The following TRPC6 variants were observed in gnomAD, a reference collection of about 807,000 sequenced individuals.
TRPC6 encodes transient receptor potential cation channel subfamily C member 6, also known as short transient receptor potential channel 6.
In TRPC6, 55 loss-of-function variants were observed where a neutral mutation model predicts 90.7. The observed-to-expected ratio is 0.61, with a 90% CI of 0.49 to 0.76. TRPC6 has a LOEUF of 0.76. Among genes scored for constraint, TRPC6 ranks in the 30% least tolerant of loss-of-function variants. The pLI, the probability that TRPC6 is intolerant of heterozygous loss-of-function variation, is 0.00. For missense variants in TRPC6, 989 were observed against 1,122.7 expected (o/e 0.88, Z 1.70); for synonymous variants, 393 against 393.0 (o/e 1.00, Z 0.00).
At chr11:101,516,816 C>T (rs1860534131) in intron 1 of TRPC6, among the ~76,000 whole-genome samples, 1 of 152,230 alleles carries the variant, frequency 6.6e-6, no homozygotes, top group South Asian at 2.1e-4. Flanking sequence ...GGGCATCTGG[C>T]CATGCATCTG....
chr11:101,575,545 T>G (rs1862052571), intron 1 of TRPC6, among the ~76,000 whole-genome samples: 1 of 152,072 alleles, frequency 6.6e-6, no homozygotes, highest in Non-Finnish European at 1.5e-5. Context: ...GTGATACGGA[T>G]TAAATGAGTT....
chr11:101,504,087 G>A lies in TRPC6; in HGVS notation c.882C>T (p.Val294=), dbSNP rs1169896686. 1 of 1,614,048 alleles carries A rather than the reference G, an allele frequency of 6.2e-7. No homozygotes were observed. The highest frequency in any genetic ancestry group is 1.1e-5 in the South Asian group (1 of 91,060). ...AYLSLSSEDP[V]MTALELSNEL... ...CATTGCTAAGTTCTAAAGCCGTCAT[G>A]ACTGGATCTTCACTAGACAATGACA... Residue 294 remains valine, a synonymous_variant, in exon 2 of 13, where the codon GTC becomes GTT. Transcript: ENST00000344327.
intron 10 of TRPC6, among the ~76,000 whole-genome samples, chr11:101,460,051 G>C (rs576458957): frequency 1.3e-4 from 20 of 152,268 alleles, no homozygotes; most frequent in African/African-American, 4.3e-4. Context: ...TCAATCTTCT[G>C]AGTACTTAGT....
In TRPC6 at chr11:101,520,087, C is replaced by T. The variant is rs142995853; in HGVS notation, c.171-15289G>A. On this transcript the variant is annotated intron_variant, in intron 1 of 12. Coordinates refer to ENST00000344327, the MANE Select transcript of TRPC6 (RefSeq NM_004621.6). ...ACTGATATGGTTTGGATTTGTGTCC[C>T]TGCCCAAATCTCATGTTGAATTGTA... is the stretch of plus-strand genomic sequence containing the variant. Among the ~76,000 whole-genome samples, 77 of 152,136 alleles carry T rather than the reference C, an allele frequency of 5.1e-4. No individual in the cohort carries two copies. In the East Asian group the frequency reaches 0.013, roughly 25 times the overall value.
chr11:101,487,267 C>T (rs12787386), intron 4 of TRPC6, among the ~76,000 whole-genome samples: 52,863 of 151,826 alleles, frequency 0.35, 10,546 homozygotes, highest in African/African-American at 0.55. Flanking sequence ...CAAAAACTCC[C>T]CCCATTTTAA....
chr11:101,560,354 C>T (rs925805482), intron 1 of TRPC6, among the ~76,000 whole-genome samples: 4 of 151,864 alleles, frequency 2.6e-5, no homozygotes, highest in African/African-American at 9.7e-5. Context: ...CAGGCAACAA[C>T]TGGTCAGGGT....
At chr11:101,520,616 G>T (rs1860636975) in intron 1 of TRPC6, among the ~76,000 whole-genome samples, 1 of 152,174 alleles carries the variant, frequency 6.6e-6, no homozygotes, top group South Asian at 2.1e-4. Flanking sequence ...CTCAGAAGAA[G>T]ACACGAAGAT....
At chr11:101,477,658 T>TTGA (rs1425304556) in intron 5 of TRPC6, among the ~76,000 whole-genome samples, 2 of 152,182 alleles carry the variant, frequency 1.3e-5, no homozygotes, top group Non-Finnish European at 2.9e-5. Flanking sequence ...TATGAAGTCT[T>TTGA]TGATAAGGTA....
intron 9 of TRPC6, among the ~76,000 whole-genome samples, chr11:101,469,951 C>G (rs1376109096): frequency 6.6e-6 from 1 of 152,158 alleles, no homozygotes; most frequent in African/African-American, 2.4e-5. Flanking sequence ...GTTGAGGAAA[C>G]TAGAACTCAG....
At position 101,491,646 on chromosome 11, in the gene TRPC6, C is replaced by G. The variant is rs768940418; in HGVS notation, c.1038G>C (p.Leu346=). 2.5e-6 allele frequency: 4 copies of G among 1,613,980 alleles called. No individual in the cohort carries two copies. The highest frequency in any genetic ancestry group is 2.2e-5 in the East Asian group (1 of 44,852). The change falls in exon 3 of 13, where the codon CTG becomes CTC. Residue 346 remains leucine, a synonymous_variant. Coordinates refer to ENST00000344327, the MANE Select transcript of TRPC6 (RefSeq NM_004621.6). ...TCTGGAGCGTTTCAACATCCCCATT[C>G]AGAATGGCCTCGACTTCTTCAGTGT... ...CRNTEEVEAI[L]NGDVETLQSG... is the part of the protein sequence containing the mutation.
At chr11:101,526,504 ACTTTCT>A (rs1860782536) in intron 1 of TRPC6, among the ~76,000 whole-genome samples, 1 of 152,156 alleles carries the variant, frequency 6.6e-6, no homozygotes. Flanking sequence ...TTATTCCTAA[ACTTTCT>A]CTTTATTTGT....
intron 2 of TRPC6, among the ~76,000 whole-genome samples, chr11:101,498,273 C>T (rs1320213251): frequency 6.6e-6 from 1 of 152,080 alleles, no homozygotes; most frequent in African/African-American, 2.4e-5. Flanking sequence ...TCTCATGCTA[C>T]CAAAGCCTAA....
Position 101,529,027 on chromosome 11 carries a change from G to A in TRPC6, c.171-24229C>T, listed in dbSNP as rs187580231. Among the ~76,000 whole-genome samples, 148 of 152,136 alleles carry A rather than the reference G, an allele frequency of 9.7e-4. 1 individual carries two copies. Among genetic ancestry groups the A allele is most frequent in the African/African-American group, 3.2e-3 (134 of 41,522 alleles). The stretch of plus-strand genomic sequence containing the variant: ...CATTTTTCTCCTTTGAACAACTCAT[G>A]AACTGAATGTGAGTTGAAAGTAAGA... On this transcript the variant is annotated intron_variant, in intron 1 of 12. Coordinates refer to ENST00000344327, the MANE Select transcript of TRPC6 (RefSeq NM_004621.6).
chr11:101,573,990 C>T (rs1293207371), intron 1 of TRPC6, among the ~76,000 whole-genome samples: 1 of 132,444 alleles, frequency 7.6e-6, no homozygotes, highest in Non-Finnish European at 1.7e-5. Context: ...GTGGAGAGTA[C>T]GTAAGGAACA....
At chr11:101,566,827 C>T (rs1231656730) in intron 1 of TRPC6, among the ~76,000 whole-genome samples, 2 of 152,220 alleles carry the variant, frequency 1.3e-5, no homozygotes, top group East Asian at 1.9e-4. Context: ...GGGACTGTAC[C>T]GTGCACTCCA....
chr11:101,482,416 T>A (rs1029108941), intron 5 of TRPC6, among the ~76,000 whole-genome samples: 2 of 152,216 alleles, frequency 1.3e-5, no homozygotes, highest in African/African-American at 4.8e-5. Context: ...CCAAGAGGCC[T>A]AAAGAAAGTT....
chr11:101,565,996 C>G (rs1324423452), intron 1 of TRPC6, among the ~76,000 whole-genome samples: 1 of 152,166 alleles, frequency 6.6e-6, no homozygotes, highest in East Asian at 1.9e-4. Flanking sequence ...GCACAGCACT[C>G]TTTCTTCAGT....
At chr11:101,570,825 C>G (rs1219066128) in intron 1 of TRPC6, among the ~76,000 whole-genome samples, 2 of 152,146 alleles carry the variant, frequency 1.3e-5, no homozygotes, top group Non-Finnish European at 2.9e-5. Context: ...TGCAACAGCC[C>G]TTCATGATAA....
At chr11:101,567,071 T>TGGG (rs371959897) in intron 1 of TRPC6, among the ~76,000 whole-genome samples, 27 of 58,192 alleles carry the variant, frequency 4.6e-4, no homozygotes, top group African/African-American at 7.4e-4. Flanking sequence ...CGGGGCGGGG[T>TGGG]GGGGGGGGTC....
Sources: allele counts gnomAD v4.1 joint callset (sites outside exome capture counted in the v4.1 genomes callset), GRCh38; gene constraint gnomAD v4.1.1; transcripts MANE v1.5; gene names NCBI Gene and HGNC (gene_info 2026-07-23, HGNC 2026-07-21).